PTPRG: variants seen among roughly 807,000 people sequenced by gnomAD.
PTPRG encodes the protein receptor-type tyrosine-protein phosphatase gamma.
PTPRG carries 102 observed loss-of-function variants against 165.3 expected under a neutral mutation model. The observed-to-expected ratio is 0.62, with a 90% confidence interval of 0.53 to 0.73. PTPRG has a LOEUF of 0.73. Ranked by LOEUF, PTPRG falls within the 30% of genes least tolerant of loss-of-function variation. The probability of loss-of-function intolerance (pLI) is 0.00; values close to 1 mark genes in which losing one functional copy is unlikely to be tolerated. For missense variants in PTPRG, 1,866 were observed against 1,861.4 expected, an observed-to-expected ratio of 1.00 and a Z score of -0.05; for synonymous variants, 675 against 669.5, an observed-to-expected ratio of 1.01 and a Z score of -0.13.
chr3:62,116,966 T>G (rs532364935), intron 5 of PTPRG, among the ~76,000 whole-genome samples: 3 of 152,186 alleles, frequency 2.0e-5, no homozygotes, highest in Non-Finnish European at 4.4e-5. Context: ...AAAATAATTT[T>G]AAAGGTTCAC....
intron 1 of PTPRG, among the ~76,000 whole-genome samples, chr3:61,669,204 C>CAG (rs1166157748): frequency 6.6e-6 from 1 of 152,086 alleles, no homozygotes; most frequent in Non-Finnish European, 1.5e-5. Flanking sequence ...AAAGTATGAG[C>CAG]AGAAGTGTTT....
Position 61,993,551 on chromosome 3 carries a change from A to C in PTPRG, c.370+3747A>C, listed in dbSNP as rs1474857650. On this transcript the variant is annotated intron_variant, in intron 3 of 29. Transcript: ENST00000474889. ...CTAGTTTTGAAAGATTGTACAATTAAGAGAAATGGGTTAAAGGGCTCATGG... is the reference window on the plus strand; with the variant it reads ...CTAGTTTTGAAAGATTGTACAATTACGAGAAATGGGTTAAAGGGCTCATGG... Among the ~76,000 whole-genome samples the C allele has an allele frequency of 4.6e-5, 7 of 152,250 alleles. No homozygotes were observed. In the East Asian group the frequency reaches 1.4e-3, roughly 29 times the overall value.
At chr3:62,281,538 C>G (rs759398961) in intron 26 of PTPRG, 25 bp from the exon 27 acceptor site, 3 of 624,460 alleles carry the variant, frequency 4.8e-6, no homozygotes, top group Non-Finnish European at 4.2e-6. Flanking sequence ...ACTGCAGAGG[C>G]TTTTTTTTTT....
chr3:61,886,345 G>C (rs1299479128), intron 2 of PTPRG, among the ~76,000 whole-genome samples: 2 of 152,116 alleles, frequency 1.3e-5, no homozygotes, highest in African/African-American at 4.8e-5. Flanking sequence ...TCTGCATTGA[G>C]TTTTCAAGTC....
chr3:61,610,969 G>A (rs374922495), intron 1 of PTPRG, among the ~76,000 whole-genome samples: 1 of 152,082 alleles, frequency 6.6e-6, no homozygotes, highest in African/African-American at 2.4e-5. Flanking sequence ...ACCATACCCA[G>A]CTCATTTTAA....
intron 4 of PTPRG, among the ~76,000 whole-genome samples, chr3:62,076,730 C>T (rs1355885014): frequency 3.3e-5 from 5 of 151,888 alleles, no homozygotes; most frequent in East Asian, 1.9e-4. Flanking sequence ...TGCAGGCATG[C>T]ACCACCATGC....
chr3:62,129,134 T>G (rs898766052), intron 5 of PTPRG, among the ~76,000 whole-genome samples: 2 of 152,166 alleles, frequency 1.3e-5, no homozygotes, highest in African/African-American at 4.8e-5. Flanking sequence ...TTTGTGCAGT[T>G]GTTTAGAATC....
At chr3:62,097,075 C>T (rs528627578) in intron 5 of PTPRG, among the ~76,000 whole-genome samples, 135 of 147,920 alleles carry the variant, frequency 9.1e-4, no homozygotes, top group Middle Eastern at 3.6e-3. Context: ...AACACAAAGA[C>T]ACCCCCAGCC....
chr3:62,007,834 A>G (rs1329504487), intron 4 of PTPRG, among the ~76,000 whole-genome samples: 1 of 152,244 alleles, frequency 6.6e-6, no homozygotes, highest in Non-Finnish European at 1.5e-5. Flanking sequence ...GCCCTGAGGC[A>G]GGTGGTGTTT....
At chr3:61,847,551 T>C (rs74702357) in intron 2 of PTPRG, among the ~76,000 whole-genome samples, 14 of 152,310 alleles carry the variant, frequency 9.2e-5, no homozygotes, top group Non-Finnish European at 1.9e-4. Context: ...GGAGCCAGTG[T>C]GGCTACCATC....
chr3:61,978,952 A>T (rs1429450170), intron 2 of PTPRG, among the ~76,000 whole-genome samples: 1 of 152,182 alleles, frequency 6.6e-6, no homozygotes, highest in African/African-American at 2.4e-5. Flanking sequence ...CACGAGGGCA[A>T]GTTTTCTAGC....
chr3:61,580,973 C>A (rs1013385814), intron 1 of PTPRG, among the ~76,000 whole-genome samples: 25 of 152,138 alleles, frequency 1.6e-4, no homozygotes, highest in Non-Finnish European at 3.5e-4. Context: ...TTGTGTTTCC[C>A]TCATTGGCAT....
chr3:62,103,743 C>T (rs1403758801), intron 5 of PTPRG, among the ~76,000 whole-genome samples: 1 of 152,220 alleles, frequency 6.6e-6, no homozygotes, highest in Non-Finnish European at 1.5e-5. Flanking sequence ...TCTAGGCACA[C>T]AGGCTGGGGC....
intron 1 of PTPRG, among the ~76,000 whole-genome samples, chr3:61,607,157 T>C (rs1225995884): frequency 6.6e-6 from 1 of 152,178 alleles, no homozygotes; most frequent in East Asian, 1.9e-4. Context: ...CCTACACGGA[T>C]CAACTTGGTT....
At chr3:62,200,468 A>T (rs1406453933) in intron 10 of PTPRG, among the ~76,000 whole-genome samples, 1 of 151,962 alleles carries the variant, frequency 6.6e-6, no homozygotes, top group African/African-American at 2.4e-5. Context: ...ATGAGGTTTC[A>T]TCATGTTGGC....
chr3:62,023,328 C>T (rs1038454699), intron 4 of PTPRG, among the ~76,000 whole-genome samples: 1 of 152,142 alleles, frequency 6.6e-6, no homozygotes, highest in Admixed American at 6.6e-5. Flanking sequence ...CAAAAACAGA[C>T]TTATGATGAA....
At chr3:62,283,230 G>A (rs972780658) in intron 28 of PTPRG, among the ~76,000 whole-genome samples, 1 of 152,042 alleles carries the variant, frequency 6.6e-6, no homozygotes, top group African/African-American at 2.4e-5. Context: ...TCCTTACACT[G>A]AATTTCAAAC....
intron 2 of PTPRG, among the ~76,000 whole-genome samples, chr3:61,814,710 T>C (rs756550666): frequency 6.6e-6 from 1 of 151,634 alleles, no homozygotes; most frequent in Non-Finnish European, 1.5e-5. Flanking sequence ...TTGTGTGCCA[T>C]GATAGGATAT....
intron 6 of PTPRG, among the ~76,000 whole-genome samples, chr3:62,147,201 G>T (rs1031786167): frequency 2.0e-5 from 3 of 152,192 alleles, no homozygotes; most frequent in Admixed American, 6.5e-5. Context: ...AACCGTAAGT[G>T]TGAACTGGGA....
Sources: gnomAD v4.1 joint callset for allele counts (sites outside exome capture counted in the v4.1 genomes callset) on GRCh38, gnomAD v4.1.1 for gene constraint, MANE v1.5 for transcripts, NCBI Gene and HGNC (gene_info 2026-07-23, HGNC 2026-07-21) for gene names.